The following COL14A1 variants were observed in gnomAD, a reference collection of about 807,000 sequenced individuals.
COL14A1 encodes the protein collagen alpha-1(XIV) chain.
In COL14A1, 136 loss-of-function variants were observed where a neutral mutation model predicts 230.3. The ratio of observed to expected loss-of-function variants is 0.59; its 90% CI spans 0.51 to 0.68. COL14A1 has a LOEUF of 0.68. Among genes scored for constraint, COL14A1 ranks in the 30% least tolerant of loss-of-function variants. The probability of loss-of-function intolerance (pLI) is 0.00; values close to 1 mark genes in which losing one functional copy is unlikely to be tolerated. For missense variants in COL14A1, 1,976 were observed against 2,215.8 expected, an observed-to-expected ratio of 0.89 and a Z score of 2.17; for synonymous variants, 792 against 784.1, an observed-to-expected ratio of 1.01 and a Z score of -0.17.
At chr8:120,231,107 G>C (rs2130816558) in intron 18 of COL14A1, among the ~76,000 whole-genome samples, 1 of 152,224 alleles carries the variant, frequency 6.6e-6, no homozygotes, top group African/African-American at 2.4e-5. Context: ...GTGCCCACTT[G>C]TCCACAGAGC....
At chr8:120,182,748 G>A (rs1239802232) in intron 5 of COL14A1, among the ~76,000 whole-genome samples, 2 of 87,016 alleles carry the variant, frequency 2.3e-5, no homozygotes, top group Non-Finnish European at 4.4e-5. Flanking sequence ...TTTTTTTGAG[G>A]TGGAGTCTCA....
chr8:120,227,500 C>T (rs1458508879), intron 17 of COL14A1, 148 bp downstream of exon 17: 3 of 963,666 alleles, frequency 3.1e-6, no homozygotes, highest in South Asian at 3.4e-5. Context: ...TCTTCACTTT[C>T]AATGAAACCA....
In COL14A1 at chr8:120,280,016, A is replaced by G. The variant is rs1201339971; in HGVS notation, c.3563A>G (p.His1188Arg). The change falls in exon 29 of 48, where the codon CAT becomes CGT. Residue 1188 changes from histidine to arginine, a missense_variant. By Grantham distance (29) the His-to-Arg change is conservative. This residue lies in a region of COL14A1 where 1,791 missense variants were observed against 2,019.5 expected (regional missense o/e 0.89). Transcript: ENST00000297848. Reference protein sequence around the residue: ...VSIGSKPSARHVFFVDDFDAF... With the variant: ...VSIGSKPSARRVFFVDDFDAF... ...ATTGGCAGTAAGCCCAGCGCACGCC[A>G]TGTCTTCTTTGTGGATGACTTTGAC... The G allele has an allele frequency of 6.2e-7, 1 of 1,613,938 alleles. No individual in the cohort carries two copies. Among genetic ancestry groups the G allele is most frequent in the Non-Finnish European group, 8.5e-7 (1 of 1,179,872 alleles).
chr8:120,145,665 A>T (rs1822301864), intron 1 of COL14A1, among the ~76,000 whole-genome samples: 1 of 152,206 alleles, frequency 6.6e-6, no homozygotes, highest in Non-Finnish European at 1.5e-5. Context: ...TTTGCCTAGC[A>T]GTTCTACAAT....
intron 22 of COL14A1, 30 bp from the exon 23 acceptor site, chr8:120,255,210 T>C: frequency 6.5e-7 from 1 of 1,540,396 alleles, no homozygotes; most frequent in Non-Finnish European, 9.0e-7. Context: ...GTCTGCGGTG[T>C]GATACAGTTA....
At chr8:120,284,085 T>G in intron 32 of COL14A1, among the ~76,000 whole-genome samples, 1 of 152,052 alleles carries the variant, frequency 6.6e-6, no homozygotes. Context: ...CCTTGGAGGG[T>G]CAATGGGAGG....
At chr8:120,157,478 A>G (rs1053002815) in intron 2 of COL14A1, among the ~76,000 whole-genome samples, 3 of 152,348 alleles carry the variant, frequency 2.0e-5, no homozygotes, top group Middle Eastern at 3.4e-3. Context: ...TTCAAGGAGA[A>G]AAATTTATCC....
At chr8:120,250,576 A>T (rs377250049) in intron 21 of COL14A1, 41 bp from the exon 22 acceptor site, 109 of 1,608,048 alleles carry the variant, frequency 6.8e-5, no homozygotes, top group Non-Finnish European at 8.0e-5. Flanking sequence ...CTATTTTCCC[A>T]TATTTTGTTG....
intron 9 of COL14A1, among the ~76,000 whole-genome samples, chr8:120,204,368 A>C (rs1817363664): frequency 6.6e-6 from 1 of 151,642 alleles, no homozygotes; most frequent in Admixed American, 6.6e-5. Context: ...GACAACCACT[A>C]CTCCATCTCC....
Position 120,206,964 on chromosome 8 carries a change from G to A in COL14A1, c.1061G>A (p.Gly354Glu). ...EIKASAHAIT[G>E]PPTELITSEV... is the part of the protein sequence containing the mutation. ...TTAGCCTCAGCCCATGCCATCACTG[G>A]GCCGCCTACGGAGTTGATTACTTCT... The change falls in exon 10 of 48, where the codon GGG (glycine) becomes GAG (glutamate). Residue 354 changes from glycine to glutamate, a missense_variant. Gly to Glu is a moderately conservative substitution (Grantham distance 98). Transcript: ENST00000297848. 1 of 1,610,828 alleles carries A rather than the reference G, an allele frequency of 6.2e-7. No homozygotes were observed. Among genetic ancestry groups the A allele is most frequent in the Non-Finnish European group, 8.5e-7 (1 of 1,179,064 alleles).
chr8:120,286,635 G>A (rs935405727), intron 33 of COL14A1, among the ~76,000 whole-genome samples: 21 of 152,054 alleles, frequency 1.4e-4, no homozygotes, highest in Admixed American at 5.9e-4. Flanking sequence ...TCAGCCTCCC[G>A]AGGAGCTGGG....
chr8:120,343,824 T>G (rs2168407), intron 44 of COL14A1, among the ~76,000 whole-genome samples: 77,380 of 151,922 alleles, frequency 0.51, 20,522 homozygotes, highest in African/African-American at 0.68. Flanking sequence ...GAATTGTTTT[T>G]TAGATTTCTG....
Position 120,207,081 on chromosome 8 carries a change from G to A in COL14A1, c.1178G>A (p.Gly393Glu). 6.2e-7 allele frequency: 1 copy of A among 1,611,446 alleles called. No individual in the cohort carries two copies. Among genetic ancestry groups the A allele is most frequent in the Non-Finnish European group, 8.5e-7 (1 of 1,179,182 alleles). ...YRVVYYPTRG[G>E]KPDEVVVDGT... The stretch of plus-strand genomic sequence containing the variant: ...GTTGTGTATTATCCTACCAGGGGTG[G>A]AAAACCAGACGAGGTAATAAGGAGA... The change falls in exon 10 of 48, where the codon GGA becomes GAA. Residue 393 changes from glycine (G) to glutamate (E), a missense_variant. Transcript: ENST00000297848.
At chr8:120,173,944 G>A (rs1056317888) in intron 5 of COL14A1, among the ~76,000 whole-genome samples, 1 of 152,172 alleles carries the variant, frequency 6.6e-6, no homozygotes, top group African/African-American at 2.4e-5. Context: ...TATCATATCT[G>A]TGTTCAAAAG....
intron 14 of COL14A1, 71 bp from the exon 15 acceptor site, chr8:120,225,017 C>T: frequency 6.9e-7 from 1 of 1,444,794 alleles, no homozygotes; most frequent in South Asian, 1.3e-5. Flanking sequence ...AAGCGAGCTA[C>T]AGACAATAAT....
At chr8:120,342,803 A>C (rs916673384) in intron 44 of COL14A1, among the ~76,000 whole-genome samples, 1 of 152,192 alleles carries the variant, frequency 6.6e-6, no homozygotes, top group Non-Finnish European at 1.5e-5. Context: ...GCCAGACTAC[A>C]TCTTCAGAAG....
intron 24 of COL14A1, among the ~76,000 whole-genome samples, chr8:120,266,234 C>G (rs1311885465): frequency 2.0e-5 from 3 of 151,986 alleles, no homozygotes; most frequent in Admixed American, 6.6e-5. Context: ...CAAGCCATAC[C>G]TCTGCAGAGT....
Position 120,147,886 on chromosome 8 carries a change from C to T in COL14A1, c.44C>T (p.Pro15Leu). ...AAGATGCGGTACTGGTTGCTTCCAC[C>T]TTTTTTGGCAATTGTTTATTTCTGC... ...QRKMRYWLLP[P>L]FLAIVYFCTI... is the part of the protein sequence containing the mutation. Residue 15 changes from proline (P) to leucine (L), a missense_variant, in exon 2 of 48, where the codon CCT (proline) becomes CTT (leucine). Physicochemically the swap from Pro to Leu is moderately conservative, Grantham distance 98. Around this residue, in one of 3 missense-constraint regions of COL14A1, gnomAD observed 181 missense variants for 178.6 expected, o/e 1.01. Transcript: ENST00000297848. 3 of 1,613,824 alleles carry T rather than the reference C, an allele frequency of 1.9e-6. No homozygotes were observed. Among genetic ancestry groups the T allele is most frequent in the Non-Finnish European group, 2.5e-6 (3 of 1,179,880 alleles).
intron 5 of COL14A1, among the ~76,000 whole-genome samples, chr8:120,185,287 G>C (rs1472251505): frequency 6.6e-6 from 1 of 152,178 alleles, no homozygotes; most frequent in Non-Finnish European, 1.5e-5. Context: ...GTTGCATTCT[G>C]TGAGGACAAC....
Sources: allele counts gnomAD v4.1 joint callset (sites outside exome capture counted in the v4.1 genomes callset), GRCh38; gene constraint gnomAD v4.1.1; regional missense constraint gnomAD v4.1.1; transcripts MANE v1.5; gene names NCBI Gene and HGNC (gene_info 2026-07-23, HGNC 2026-07-21).